AKTIP: variants seen among roughly 807,000 people sequenced by gnomAD.
AKTIP encodes AKT-interacting protein.
A neutral mutation model predicts 39.1 loss-of-function variants in AKTIP; 16 were observed. The ratio of observed to expected loss-of-function variants is 0.41; its 90% CI spans 0.28 to 0.62. The LOEUF (loss-of-function observed/expected upper bound fraction) is 0.62, where lower values mean the gene tolerates loss of function less well. Ranked by LOEUF, AKTIP falls within the 20% of genes least tolerant of loss-of-function variation. AKTIP has a pLI of 0.32. For synonymous variants in AKTIP, 93 were observed against 124.3 expected (o/e 0.75, Z 1.67); for missense variants, 262 against 356.6 (o/e 0.73, Z 2.14).
chr16:53,491,701 G>A lies in AKTIP; in HGVS notation c.*711C>T, dbSNP rs1255352451. 6.6e-6 allele frequency: 1 copy of A among 152,528 alleles called. No homozygotes were observed. Among genetic ancestry groups the A allele is most frequent in the Non-Finnish European group, 1.5e-5 (1 of 67,998 alleles). The allele number at this position is 152,528 out of a possible 1,614,324, so 9.4% of individuals were successfully genotyped here. A position where few individuals can be genotyped will look rare whatever the true frequency, so the allele number is the denominator to read the frequency against. On this transcript the variant is annotated 3_prime_UTR_variant, in exon 10 of 10. Coordinates refer to ENST00000394657, the MANE Select transcript of AKTIP (RefSeq NM_022476.4). ...GGTAGTTTCCTGCATAAATGGCAAA[G>A]AACAATCATTTATTGGTTTATTTTG...
chr16:53,494,909 A>G, intron 5 of AKTIP, 164 bp downstream of exon 5: 1 of 769,266 alleles, frequency 1.3e-6, no homozygotes, highest in Non-Finnish European at 2.3e-6. Flanking sequence ...CAAAGCTCTG[A>G]TGGCATGCCG....
In AKTIP at chr16:53,498,478, G is replaced by T. The variant is rs764315195; in HGVS notation, c.161C>A (p.Thr54Lys). The T allele has an allele frequency of 8.7e-6, 14 of 1,613,784 alleles. No individual in the cohort carries two copies. The highest frequency in any genetic ancestry group is 2.5e-6 in the Non-Finnish European group (3 of 1,179,760). Reference sequence around the variant, plus strand: ...TGACTGTGCTGCTGGGGCAGGAGATGTAGGCTTAGTTATGGGCAAAGCATT... The same window carrying T: ...TGACTGTGCTGCTGGGGCAGGAGATTTAGGCTTAGTTATGGGCAAAGCATT... Reference protein sequence around the residue: ...PKNALPITKPTSPAPAAQSTN... With the variant: ...PKNALPITKPKSPAPAAQSTN... Residue 54 changes from threonine (T) to lysine (K), a missense_variant, in exon 3 of 10, where the codon ACA becomes AAA. Coordinates refer to ENST00000394657, the MANE Select transcript of AKTIP (RefSeq NM_022476.4).
At chr16:53,492,893 C>T in intron 8 of AKTIP, 140 bp from the exon 9 acceptor site, 1 of 693,988 alleles carries the variant, frequency 1.4e-6, no homozygotes, top group South Asian at 1.9e-5. Flanking sequence ...ATGTTTTAGA[C>T]ATTATCTAAT....
chr16:53,496,459 C>G (rs1295853537), intron 3 of AKTIP, among the ~76,000 whole-genome samples: 1 of 150,544 alleles, frequency 6.6e-6, no homozygotes, highest in Non-Finnish European at 1.5e-5. Flanking sequence ...GACCCACTGA[C>G]CATTACAACA....
chr16:53,501,449 G>C (rs1962164393), intron 1 of AKTIP: 1 of 152,172 alleles, frequency 6.6e-6, no homozygotes, highest in African/African-American at 2.4e-5. Flanking sequence ...AAGAAGCAAA[G>C]GAAAAGCAGC....
chr16:53,494,861 A>C (rs944285377), intron 5 of AKTIP: 2 of 726,316 alleles, frequency 2.8e-6, no homozygotes, highest in Non-Finnish European at 4.9e-6. Flanking sequence ...GCAGGATGGC[A>C]GGCAGCCAGC....
chr16:53,504,134 T>G (rs1962339908), upstream of AKTIP, among the ~76,000 whole-genome samples: 1 of 145,330 alleles, frequency 6.9e-6, no homozygotes, highest in Non-Finnish European at 1.5e-5. Flanking sequence ...CATTTGGACC[T>G]CCCGTCTGCT....
chr16:53,500,381 CTTTT>C, intron 1 of AKTIP, 52 bp from the exon 2 acceptor site: 3 of 952,918 alleles, frequency 3.1e-6, no homozygotes, highest in East Asian at 3.5e-5. Flanking sequence ...ACCATTAAGA[CTTTT>C]TTTTTTTTTT....
intron 2 of AKTIP, among the ~76,000 whole-genome samples, chr16:53,499,751 G>A (rs748282713): frequency 4.6e-5 from 7 of 152,032 alleles, no homozygotes; most frequent in East Asian, 3.9e-4. Flanking sequence ...ATGAGCCACC[G>A]TGCCCAGCTG....
At position 53,495,034 on chromosome 16, in the gene AKTIP, C is replaced by G. The variant is rs1961743804; in HGVS notation, c.414+39G>C. On this transcript the variant is annotated intron_variant, in intron 5 of 9. Transcript: ENST00000394657. ...CTGTAAGCCCTTTCAGCCCTTCTCGCTGATCCACAAATAAAGCCAGACTGT... is the reference window on the plus strand; with the variant it reads ...CTGTAAGCCCTTTCAGCCCTTCTCGGTGATCCACAAATAAAGCCAGACTGT... 2.5e-6 allele frequency: 4 copies of G among 1,569,294 alleles called. No homozygotes were observed. The East Asian group carries it at 9.0e-5, about 35-fold the overall frequency.
chr16:53,491,392 CAT>C lies in AKTIP; in HGVS notation c.*1018_*1019del, dbSNP rs1961442940. 6.6e-6 allele frequency: 1 copy of C among 152,176 alleles called. No individual in the cohort carries two copies. Among genetic ancestry groups the C allele is most frequent in the Non-Finnish European group, 1.5e-5 (1 of 68,014 alleles). The allele number at this position is 152,176 out of a possible 1,614,324, so 9.4% of individuals were successfully genotyped here. A position where few individuals can be genotyped will look rare whatever the true frequency, so the allele number is the denominator to read the frequency against. On this transcript the variant is annotated 3_prime_UTR_variant, in exon 10 of 10. Coordinates refer to ENST00000394657, the MANE Select transcript of AKTIP (RefSeq NM_022476.4). The stretch of plus-strand genomic sequence containing the variant: ...TTATTTAACAGCTGAATTATCTATA[CAT>C]ATCTTTATTAATCACTATTGTTCCA...
In AKTIP at chr16:53,492,849, TAAAGC is replaced by T. The variant is rs903481027; in HGVS notation, c.711-101_711-97del. The stretch of plus-strand genomic sequence containing the variant: ...TTTTAAGCCAATTCCCCTAACTTAA[TAAAGC>T]ACAGTATTTTTTATTGTTGTCGACA... On this transcript the variant is annotated intron_variant, in intron 8 of 9. Transcript: ENST00000394657. 1.0e-5 allele frequency: 10 copies of T among 979,084 alleles called. No homozygotes were observed. The African/African-American group carries it at 1.6e-4, about 16-fold the overall frequency. The allele number at this position is 979,084 out of a possible 1,614,324, so 60.6% of individuals were successfully genotyped here. A position where few individuals can be genotyped will look rare whatever the true frequency, so the allele number is the denominator to read the frequency against.
chr16:53,498,624 C>G, intron 2 of AKTIP, 28 bp from the exon 3 acceptor site: 7 of 1,594,502 alleles, frequency 4.4e-6, no homozygotes, highest in Non-Finnish European at 6.0e-6. Flanking sequence ...GTAAGAATAT[C>G]TGTTAGGATG....
Position 53,492,275 on chromosome 16 carries a change from T to TA in AKTIP, c.*136dup, listed in dbSNP as rs1213575655. The stretch of plus-strand genomic sequence containing the variant: ...GTTTCCAAACCCTGCTGTTAGAACC[T>TA]ATGCATACATGGAAAACACTGGCAG... On this transcript the variant is annotated 3_prime_UTR_variant, in exon 10 of 10. Transcript: ENST00000394657. The TA allele has an allele frequency of 1.4e-6, 1 of 715,800 alleles. No individual in the cohort carries two copies. The highest frequency in any genetic ancestry group is 1.8e-5 in the African/African-American group (1 of 56,252). 44.3% of individuals were successfully genotyped at this position (715,800 alleles called of 1,614,324 possible). A position where few individuals can be genotyped will look rare whatever the true frequency, so the allele number is the denominator to read the frequency against.
chr16:53,504,043 A>T (rs1253188273), upstream of AKTIP, among the ~76,000 whole-genome samples: 1 of 150,006 alleles, frequency 6.7e-6, no homozygotes, highest in Non-Finnish European at 1.5e-5. Flanking sequence ...ATTCTGGCGC[A>T]CACTGAAGTT....
At position 53,491,743 on chromosome 16, in the gene AKTIP, T is replaced by G. The variant is rs1422937694; in HGVS notation, c.*669A>C. 9 of 152,610 alleles carry G rather than the reference T, an allele frequency of 5.9e-5. No homozygotes were observed. The allele number at this position is 152,610 out of a possible 1,614,324, so 9.5% of individuals were successfully genotyped here. ...TTTATTTTGTCTCTACTAAACACAT[T>G]AGTCATTTATCATTTAAATACCGGA... On this transcript the variant is annotated 3_prime_UTR_variant, in exon 10 of 10. Coordinates refer to ENST00000394657, the MANE Select transcript of AKTIP (RefSeq NM_022476.4).
At chr16:53,495,032 C>CG in intron 5 of AKTIP, 41 bp downstream of exon 5, 1 of 1,551,038 alleles carries the variant, frequency 6.4e-7, no homozygotes, top group Non-Finnish European at 8.9e-7. Context: ...CAGCCCTTCT[C>CG]GCTGATCCAC....
chr16:53,496,242 A>G, intron 3 of AKTIP, among the ~76,000 whole-genome samples: 1 of 152,194 alleles, frequency 6.6e-6, no homozygotes, highest in East Asian at 1.9e-4. Context: ...GCATGTCAGT[A>G]GCAACATGGC....
chr16:53,491,842 A>C lies in AKTIP; in HGVS notation c.*570T>G, dbSNP rs1311975418. On this transcript the variant is annotated 3_prime_UTR_variant, in exon 10 of 10. Transcript: ENST00000394657. ...TACAGTAAGTAATTTGCTTAAAAAA[A>C]ACAACACAACACTAGGAACAAGTGT... is the stretch of plus-strand genomic sequence containing the variant. The C allele has an allele frequency of 6.6e-6, 1 of 152,654 alleles. No individual in the cohort carries two copies. The highest frequency in any genetic ancestry group is 1.5e-5 in the Non-Finnish European group (1 of 68,038). The allele number at this position is 152,654 out of a possible 1,614,324, so 9.5% of individuals were successfully genotyped here.
Sources: gnomAD v4.1 joint callset for allele counts (sites outside exome capture counted in the v4.1 genomes callset) on GRCh38, gnomAD v4.1.1 for gene constraint, MANE v1.5 for transcripts, NCBI Gene and HGNC (gene_info 2026-07-23, HGNC 2026-07-21) for gene names.